Variants in IL1RAPL1 observed in about 807,000 individuals in gnomAD.
The protein encoded by IL1RAPL1 is interleukin-1 receptor accessory protein-like 1.
In IL1RAPL1, 3 loss-of-function variants were observed where a neutral mutation model predicts 48.4. That is an observed-to-expected ratio of 0.06 (90% CI 0.03 to 0.16). The LOEUF (loss-of-function observed/expected upper bound fraction) is 0.16, where lower values mean the gene tolerates loss of function less well. Ranked by LOEUF, IL1RAPL1 falls within the 10% of genes least tolerant of loss-of-function variation. The probability of loss-of-function intolerance (pLI) is 1.00; values close to 1 mark genes in which losing one functional copy is unlikely to be tolerated. For synonymous variants in IL1RAPL1, 185 were observed against 187.7 expected, an observed-to-expected ratio of 0.99 and a Z score of 0.12; for missense variants, 349 against 530.6, an observed-to-expected ratio of 0.66 and a Z score of 3.36.
intron 2 of IL1RAPL1, among the ~76,000 whole-genome samples, chrX:29,070,512 G>T (rs1293164891): frequency 1.8e-5 from 2 of 111,329 alleles, no homozygotes; most frequent in African/African-American, 6.5e-5. Flanking sequence ...TGGCCTTGAG[G>T]TTCTTCCAAT....
At chrX:28,814,485 T>A (rs937515374) in intron 2 of IL1RAPL1, among the ~76,000 whole-genome samples, 1 of 109,498 alleles carries the variant, frequency 9.1e-6, no homozygotes, top group African/African-American at 3.3e-5. Context: ...ATCTCAAAAG[T>A]GGATCTTTCC....
intron 6 of IL1RAPL1, among the ~76,000 whole-genome samples, chrX:29,873,379 C>G (rs894131056): frequency 1.5e-4 from 11 of 73,064 alleles, no homozygotes; most frequent in African/African-American, 6.6e-4. Flanking sequence ...GATGTTTGTG[C>G]CCCCCCCCCA....
chrX:29,033,901 C>T (rs1035646007), intron 2 of IL1RAPL1, among the ~76,000 whole-genome samples: 2 of 106,747 alleles, frequency 1.9e-5, no homozygotes, highest in Admixed American at 1.0e-4. Context: ...AGAAATGGGA[C>T]ACACACACAC....
intron 2 of IL1RAPL1, among the ~76,000 whole-genome samples, chrX:28,840,673 C>T (rs4893596): frequency 0.12 from 13,210 of 110,271 alleles, 1,348 homozygotes; most frequent in African/African-American, 0.32. Flanking sequence ...TATTTCTATA[C>T]TCATTTTCTG....
chrX:28,984,999 A>C (rs1034037447), intron 2 of IL1RAPL1, among the ~76,000 whole-genome samples: 1 of 111,862 alleles, frequency 8.9e-6, no homozygotes, highest in Non-Finnish European at 1.9e-5. Context: ...CTGATGAAAA[A>C]TTGAATAATA....
intron 2 of IL1RAPL1, among the ~76,000 whole-genome samples, chrX:28,965,414 G>A (rs1227398583): frequency 9.0e-6 from 1 of 111,200 alleles, no homozygotes; most frequent in East Asian, 2.8e-4. Context: ...AACATTAAAG[G>A]TCTGAAAAAA....
intron 6 of IL1RAPL1, among the ~76,000 whole-genome samples, chrX:29,820,248 A>AT (rs1930584111): frequency 9.0e-6 from 1 of 110,532 alleles, no homozygotes; most frequent in South Asian, 3.7e-4. Context: ...AGTATATCAT[A>AT]TGAAAGAGAT....
chrX:29,539,245 C>T (rs866909169), intron 5 of IL1RAPL1, among the ~76,000 whole-genome samples: 1 of 111,555 alleles, frequency 9.0e-6, no homozygotes, highest in Admixed American at 9.5e-5. Flanking sequence ...TGGGATGCAA[C>T]GTTGGTTTAA....
At chrX:29,909,579 A>T (rs1311767930) in intron 6 of IL1RAPL1, among the ~76,000 whole-genome samples, 5 of 112,155 alleles carry the variant, frequency 4.5e-5, no homozygotes, top group African/African-American at 6.5e-5. Context: ...AAATACAGCT[A>T]GCCAGGAGGG....
At chrX:28,740,409 A>C (rs1340316464) in intron 1 of IL1RAPL1, among the ~76,000 whole-genome samples, 1 of 112,066 alleles carries the variant, frequency 8.9e-6, no homozygotes, top group Non-Finnish European at 1.9e-5. Flanking sequence ...AATAGGCAAA[A>C]TTTATAAATC....
intron 1 of IL1RAPL1, among the ~76,000 whole-genome samples, chrX:28,593,442 T>C (rs1165649651): frequency 8.9e-6 from 1 of 112,043 alleles, no homozygotes; most frequent in Non-Finnish European, 1.9e-5. Context: ...CAATCTTTTT[T>C]ATCACAAGCT....
intron 1 of IL1RAPL1, among the ~76,000 whole-genome samples, chrX:28,691,766 T>G (rs1019603448): frequency 8.9e-6 from 1 of 111,856 alleles, no homozygotes; most frequent in Admixed American, 9.5e-5. Context: ...GGTCTGGTAC[T>G]GAACAGTTAA....
At chrX:29,395,091 C>T (rs1238999862) in intron 3 of IL1RAPL1, among the ~76,000 whole-genome samples, 2 of 111,621 alleles carry the variant, frequency 1.8e-5, no homozygotes, top group East Asian at 2.8e-4. Context: ...AGCAGTATCA[C>T]GGAGCACCTA....
chrX:28,963,128 T>G (rs1366734723), intron 2 of IL1RAPL1, among the ~76,000 whole-genome samples: 1 of 111,781 alleles, frequency 8.9e-6, no homozygotes, highest in Non-Finnish European at 1.9e-5. Flanking sequence ...ATTCAATTAT[T>G]GAATCACAAC....
rs762826760 is a variant in IL1RAPL1 at position 29,002,546 on chromosome X, T to TA, written c.82+213132dup. Among the ~76,000 whole-genome samples, 593 of 102,676 alleles carry TA rather than the reference T, an allele frequency of 5.8e-3. 5 individuals are homozygous for TA. The highest frequency in any genetic ancestry group is 0.018 in the African/African-American group (503 of 28,509). The allele number at this position is 102,676 out of a possible 115,157, so 89.2% of individuals were successfully genotyped here. The stretch of plus-strand genomic sequence containing the variant: ...ATGTATGTTTTTTTAAAGCCAAAAT[T>TA]AAAAAAAAAAAGACTAAAGGGGAAA... On this transcript the variant is annotated intron_variant, in intron 2 of 10. Coordinates refer to ENST00000378993, the MANE Select transcript of IL1RAPL1 (RefSeq NM_014271.4).
intron 9 of IL1RAPL1, among the ~76,000 whole-genome samples, chrX:29,943,324 C>G (rs1291108511): frequency 8.9e-6 from 1 of 111,826 alleles, no homozygotes; most frequent in Non-Finnish European, 1.9e-5. Flanking sequence ...AAGCATAGTG[C>G]TAGGCATTCT....
chrX:28,690,921 T>C (rs754906761), intron 1 of IL1RAPL1, among the ~76,000 whole-genome samples: 1 of 111,417 alleles, frequency 9.0e-6, no homozygotes, highest in Non-Finnish European at 1.9e-5. Flanking sequence ...ATTCCACTGC[T>C]ATCACCCTAT....
intron 6 of IL1RAPL1, among the ~76,000 whole-genome samples, chrX:29,816,368 A>G (rs1466520497): frequency 9.0e-6 from 1 of 111,385 alleles, no homozygotes; most frequent in Non-Finnish European, 1.9e-5. Flanking sequence ...CCAAGATTGA[A>G]CCAGGAAGAA....
chrX:29,925,410 C>CTGT (rs1932878055), intron 8 of IL1RAPL1, among the ~76,000 whole-genome samples: 1 of 6,066 alleles, frequency 1.6e-4, no homozygotes, highest in Non-Finnish European at 4.2e-4. Context: ...TGTCCCGTAA[C>CTGT]TGTTTTTTTT....
Sources: allele counts gnomAD v4.1 joint callset (sites outside exome capture counted in the v4.1 genomes callset), GRCh38; gene constraint gnomAD v4.1.1; transcripts MANE v1.5; gene names NCBI Gene and HGNC (gene_info 2026-07-23, HGNC 2026-07-21).